The following GRK1 variants were observed in gnomAD, a reference collection of about 807,000 sequenced individuals.
GRK1 encodes G protein-coupled receptor kinase 1, also known as rhodopsin kinase GRK1.
GRK1 carries 28 observed loss-of-function variants against 41.7 expected under a neutral mutation model. The observed-to-expected ratio is 0.67, with a 90% confidence interval of 0.50 to 0.92. GRK1 has a LOEUF of 0.92. Among genes scored for constraint, GRK1 ranks in the 40% least tolerant of loss-of-function variants. GRK1 has a pLI of 0.00. For missense variants in GRK1, 703 were observed against 671.2 expected (o/e 1.05, Z -0.52); for synonymous variants, 327 against 286.7 (o/e 1.14, Z -1.42).
At chr13:113,657,268 C>T in the GRK1 span, among the ~76,000 whole-genome samples, 205 of 152,274 alleles carry the variant, frequency 1.3e-3, no homozygotes, top group East Asian at 0.023. Flanking sequence ...GAGCCGGGGA[C>T]GGCACCAGGC....
At chr13:113,734,158 A>G (rs1388877207) in intron 6 of GRK1, among the ~76,000 whole-genome samples, 3 of 151,626 alleles carry the variant, frequency 2.0e-5, no homozygotes, top group Admixed American at 1.3e-4. Context: ...GGGTCAGGCC[A>G]CGTGCAGTGT....
chr13:113,735,181 G>A lies in GRK1; in HGVS notation c.1510G>A (p.Glu504Lys), dbSNP rs537050332. ...TGTGGCCTTTGACAAAACAGACACA[G>A]AATTCTTTCAGGAATTTGCCACTGG... is the stretch of plus-strand genomic sequence containing the variant. Reference protein sequence around the residue: ...KGVAFDKTDTEFFQEFATGNC... With the variant: ...KGVAFDKTDTKFFQEFATGNC... Residue 504 changes from glutamate (E) to lysine (K), a missense_variant, in exon 7 of 7, where the codon GAA (glutamate) becomes AAA (lysine). By Grantham distance (56) the Glu-to-Lys change is moderately conservative. Coordinates refer to ENST00000335678, the MANE Select transcript of GRK1 (RefSeq NM_002929.3). 1 of 1,537,238 alleles carries A rather than the reference G, an allele frequency of 6.5e-7. No homozygotes were observed. Among genetic ancestry groups the A allele is most frequent in the African/African-American group, 1.4e-5 (1 of 73,172 alleles).
chr13:113,725,208 A>G (rs1396074639), intron 4 of GRK1, among the ~76,000 whole-genome samples: 1 of 152,224 alleles, frequency 6.6e-6, no homozygotes, highest in Admixed American at 6.5e-5. Flanking sequence ...GAGAGACACC[A>G]CAGCCATAAG....
At chr13:113,734,433 G>A (rs1389047681) in intron 6 of GRK1, 1 of 152,450 alleles carries the variant, frequency 6.6e-6, no homozygotes, top group Non-Finnish European at 1.5e-5. Flanking sequence ...TGAGGCTGAG[G>A]AGGAACCACA....
chr13:113,650,886 C>T, the GRK1 span, among the ~76,000 whole-genome samples: 4 of 152,006 alleles, frequency 2.6e-5, no homozygotes, highest in South Asian at 2.1e-4. This position sits in a 1 kb window ranked among gnomAD's most constrained non-coding sequence, Gnocchi z 5.0. Context: ...CAAGCGAATG[C>T]GTTTTTGTGA....
chr13:113,728,197 TGAG>T (rs1295741315), intron 4 of GRK1, among the ~76,000 whole-genome samples: 1 of 112,846 alleles, frequency 8.9e-6, no homozygotes. Flanking sequence ...CCCATGGCGA[TGAG>T]GAGTACCCAT....
intron 4 of GRK1, among the ~76,000 whole-genome samples, chr13:113,724,907 C>T (rs2049881502): frequency 6.6e-6 from 1 of 152,188 alleles, no homozygotes; most frequent in Admixed American, 6.5e-5. Context: ...AGGTGGACTC[C>T]GAGGCCAGGA....
intron 6 of GRK1, among the ~76,000 whole-genome samples, chr13:113,733,651 ACG>A (rs2049959099): frequency 1.1e-5 from 1 of 91,670 alleles, no homozygotes; most frequent in Non-Finnish European, 2.2e-5. Context: ...ATGTGTGCAT[ACG>A]TGTGTGTGCG....
chr13:113,661,012 G>A, the GRK1 span, among the ~76,000 whole-genome samples: 6 of 152,194 alleles, frequency 3.9e-5, no homozygotes, highest in African/African-American at 1.4e-4. Flanking sequence ...CCAACAGGAT[G>A]TCATTGACAT....
At chr13:113,725,053 G>A (rs1409080230) in intron 4 of GRK1, among the ~76,000 whole-genome samples, 1 of 152,278 alleles carries the variant, frequency 6.6e-6, no homozygotes, top group Non-Finnish European at 1.5e-5. Context: ...GCAGGGCTGG[G>A]CTCAGGCTGT....
chr13:113,734,031 T>TGTGC (rs1566700662), intron 6 of GRK1, among the ~76,000 whole-genome samples: 22 of 131,872 alleles, frequency 1.7e-4, no homozygotes, highest in Non-Finnish European at 2.7e-4. Flanking sequence ...TGCGTGCGTG[T>TGTGC]GCGTATGTGT....
chr13:113,668,050 A>C lies in GRK1; in HGVS notation c.664A>C (p.Asn222His). ...CAAGCTGTATGCCTGCAAGAAGCTGAACAAGAAGCGGCTGAAGAAGAGGAA... is the reference window on the plus strand; with the variant it reads ...CAAGCTGTATGCCTGCAAGAAGCTGCACAAGAAGCGGCTGAAGAAGAGGAA... The part of the protein sequence containing the change: ...TGKLYACKKL[N>H]KKRLKKRKGY... Residue 222 changes from asparagine to histidine, a missense_variant, in exon 1 of 7, where the codon AAC becomes CAC. Asn to His is a moderately conservative substitution (Grantham distance 68). Transcript: ENST00000335678. 6.2e-7 allele frequency: 1 copy of C among 1,610,784 alleles called. No individual in the cohort carries two copies. The highest frequency in any genetic ancestry group is 8.5e-7 in the Non-Finnish European group (1 of 1,178,660).
intron 4 of GRK1, among the ~76,000 whole-genome samples, chr13:113,728,060 C>T (rs2049904093): frequency 1.2e-5 from 1 of 81,126 alleles, no homozygotes. Flanking sequence ...ATGAGGAGTA[C>T]CCATGGCGAT....
chr13:113,669,367 T>C (rs2049841138), intron 1 of GRK1, among the ~76,000 whole-genome samples: 1 of 152,212 alleles, frequency 6.6e-6, no homozygotes, highest in African/African-American at 2.4e-5. Context: ...GGCTGCAGGA[T>C]TGCTGGGCAG....
At chr13:113,733,919 T>C (rs1456516326) in intron 6 of GRK1, among the ~76,000 whole-genome samples, 1 of 73,952 alleles carries the variant, frequency 1.4e-5, no homozygotes, top group Non-Finnish European at 3.0e-5. Flanking sequence ...ACAGTGTGCG[T>C]GTGTGCATGT....
Position 113,731,706 on chromosome 13 carries a change from T to C in GRK1, c.1194+363T>C, listed in dbSNP as rs1319037853. ...GAGGAGGGAGGGCGACTTATCCCAC[T>C]GTTGCCCCAGACCCTGGGCAGTGGG... On this transcript the variant is annotated intron_variant, in intron 5 of 6. Coordinates refer to ENST00000335678, the MANE Select transcript of GRK1 (RefSeq NM_002929.3). The surrounding 1 kb of genome is among the most constrained non-coding windows in gnomAD (Gnocchi z 5.6). Among the ~76,000 whole-genome samples the C allele has an allele frequency of 6.6e-6, 1 of 152,138 alleles. No individual in the cohort carries two copies. Among genetic ancestry groups the C allele is most frequent in the African/African-American group, 2.4e-5 (1 of 41,438 alleles).
chr13:113,733,896 T>TGC (rs763780032), intron 6 of GRK1, among the ~76,000 whole-genome samples: 194 of 120,716 alleles, frequency 1.6e-3, no homozygotes, highest in African/African-American at 5.9e-3. Context: ...TGTGCGTGTG[T>TGC]GTATGTGTGC....
At chr13:113,727,585 G>A (rs568255952) in intron 4 of GRK1, among the ~76,000 whole-genome samples, 7 of 151,058 alleles carry the variant, frequency 4.6e-5, no homozygotes, top group Admixed American at 2.6e-4. Context: ...TGGCAATGAG[G>A]AGTACCCATG....
rs2049860711 is a variant in GRK1, at chr13:113,671,991, G to A, written c.985+335G>A. 6.6e-6 allele frequency among the ~76,000 whole-genome samples: 1 copy of A among 151,872 alleles called. No homozygotes were observed. The highest frequency in any genetic ancestry group is 1.5e-5 in the Non-Finnish European group (1 of 67,958). The stretch of plus-strand genomic sequence containing the variant: ...CCCGACAGCGGCAGGTCAGGCAAGT[G>A]CGAGACACGTGCCAGGGCCCTGAGA... On this transcript the variant is annotated intron_variant, in intron 3 of 6. Coordinates refer to ENST00000335678, the MANE Select transcript of GRK1 (RefSeq NM_002929.3). The surrounding 1 kb of genome is among the most constrained non-coding windows in gnomAD (Gnocchi z 4.1).
Sources: gnomAD v4.1 joint callset for allele counts (sites outside exome capture counted in the v4.1 genomes callset) on GRCh38, gnomAD v4.1.1 for gene constraint, Gnocchi (gnomAD v3.1) non-coding constraint, MANE v1.5 for transcripts, NCBI Gene and HGNC (gene_info 2026-07-23, HGNC 2026-07-21) for gene names.